The following ZNF705A variants were observed in gnomAD, a reference collection of about 807,000 sequenced individuals.
The protein encoded by ZNF705A is zinc finger protein 705A.
ZNF705A carries 8 observed loss-of-function variants against 16.6 expected under a neutral mutation model. The ratio of observed to expected loss-of-function variants is 0.48; its 90% CI spans 0.28 to 0.87. ZNF705A has a LOEUF of 0.87. ZNF705A is among the 40% of genes least tolerant of loss of function. The probability of loss-of-function intolerance (pLI) is 0.10; values close to 1 mark genes in which losing one functional copy is unlikely to be tolerated. For missense variants in ZNF705A, 233 were observed against 359.9 expected (o/e 0.65, Z 2.85); for synonymous variants, 73 against 117.3 (o/e 0.62, Z 2.44).
Position 8,178,853 on chromosome 12 carries a change from G to T in ZNF705A, c.*1270G>T, listed in dbSNP as rs1948508536. 3 of 152,276 alleles carry T rather than the reference G, an allele frequency of 2.0e-5. No homozygotes were observed. The South Asian group carries it at 6.2e-4, about 32-fold the overall frequency. 9.4% of individuals were successfully genotyped at this position (152,276 alleles called of 1,614,324 possible). On this transcript the variant is annotated 3_prime_UTR_variant, in exon 5 of 5. Transcript: ENST00000359286. Reference sequence around the variant, plus strand: ...CACTCCTTGGGTGAGATTCTTGGTCGAGATTCTACCCCAACTTCTGAGTCT... The same window carrying T: ...CACTCCTTGGGTGAGATTCTTGGTCTAGATTCTACCCCAACTTCTGAGTCT...
At chr12:8,158,544 A>G (rs929434392) in intron 1 of ZNF705A, among the ~76,000 whole-genome samples, 3 of 151,920 alleles carry the variant, frequency 2.0e-5, no homozygotes, top group Admixed American at 6.6e-5. Flanking sequence ...ACATTTTCCT[A>G]TTGATGGAAA....
chr12:8,174,732 T>C (rs1296675571), intron 2 of ZNF705A, among the ~76,000 whole-genome samples: 1 of 152,252 alleles, frequency 6.6e-6, no homozygotes, highest in Non-Finnish European at 1.5e-5. Flanking sequence ...ACCTGGGAAC[T>C]TAACGAATAT....
chr12:8,165,740 A>G (rs1045413274), intron 1 of ZNF705A, among the ~76,000 whole-genome samples: 2 of 151,936 alleles, frequency 1.3e-5, no homozygotes, highest in Non-Finnish European at 2.9e-5. Context: ...TGTGTAACCA[A>G]TGCTTTGTTC....
At chr12:8,165,163 C>T (rs565272271) in intron 1 of ZNF705A, among the ~76,000 whole-genome samples, 1 of 151,876 alleles carries the variant, frequency 6.6e-6, no homozygotes, top group Non-Finnish European at 1.5e-5. Flanking sequence ...GGTGATATTT[C>T]ATGGTGGTTT....
intron 1 of ZNF705A, among the ~76,000 whole-genome samples, chr12:8,164,414 T>C (rs1948381767): frequency 6.6e-6 from 1 of 152,212 alleles, no homozygotes; most frequent in Non-Finnish European, 1.5e-5. Context: ...AATGACAGGG[T>C]TTCATTATTA....
At chr12:8,175,798 G>T (rs1948479779) in intron 3 of ZNF705A, 62 bp from the exon 5 acceptor site, 9 of 1,606,594 alleles carry the variant, frequency 5.6e-6, no homozygotes, top group Non-Finnish European at 7.6e-6. Flanking sequence ...GGGCCTTGGG[G>T]CTTTTCAAAC....
At chr12:8,176,943 G>A (rs1211986883) in intron 4 of ZNF705A, 56 bp from the exon 6 acceptor site, 28 of 1,569,904 alleles carry the variant, frequency 1.8e-5, no homozygotes, top group Non-Finnish European at 2.4e-5. Context: ...GTAGTGAAAT[G>A]AATGTATAGA....
intron 1 of ZNF705A, among the ~76,000 whole-genome samples, chr12:8,163,509 G>A (rs1328458428): frequency 2.6e-5 from 4 of 152,028 alleles, no homozygotes; most frequent in Non-Finnish European, 2.9e-5. Flanking sequence ...TGTCACCATT[G>A]TCATCATAAT....
upstream of ZNF705A, among the ~76,000 whole-genome samples, chr12:8,168,158 C>G (rs1283401333): frequency 1.3e-5 from 2 of 152,142 alleles, no homozygotes; most frequent in African/African-American, 4.8e-5. Flanking sequence ...ACATGCACGC[C>G]CAAGAAGTTG....
rs1239779763 is a variant in ZNF705A at position 8,166,029 on chromosome 12, G to A, written c.-71-6526G>A. ...AATTTATTTTCTTTTGGATACAAGG[G>A]TCAGTCCCCATGGCTGCTGACAAGG... On this transcript the variant is annotated intron_variant, in intron 1 of 5. Transcript: ENST00000396570. Among the ~76,000 whole-genome samples, 5 of 152,230 alleles carry A rather than the reference G, an allele frequency of 3.3e-5. No individual in the cohort carries two copies. The East Asian group carries it at 7.7e-4, about 23-fold the overall frequency.
chr12:8,163,898 C>T (rs1948377856), intron 1 of ZNF705A, among the ~76,000 whole-genome samples: 1 of 152,114 alleles, frequency 6.6e-6, no homozygotes, highest in Non-Finnish European at 1.5e-5. Context: ...TAACCAACCC[C>T]CTTCTTGTTT....
intron 3 of ZNF705A, 139 bp downstream of exon 4, chr12:8,175,462 A>C (rs1304720239): frequency 3.9e-6 from 5 of 1,285,088 alleles, no homozygotes; most frequent in Non-Finnish European, 5.4e-6. Context: ...AGAATTCCTT[A>C]GATGTTATTG....
At chr12:8,160,954 C>G (rs762057531) in intron 1 of ZNF705A, among the ~76,000 whole-genome samples, 2 of 152,234 alleles carry the variant, frequency 1.3e-5, no homozygotes, top group East Asian at 3.9e-4. Context: ...ATTTTGTTGG[C>G]TGTGGGTTTG....
chr12:8,170,163 T>C (rs1948432979), upstream of ZNF705A, among the ~76,000 whole-genome samples: 1 of 138,618 alleles, frequency 7.2e-6, no homozygotes, highest in Non-Finnish European at 1.5e-5. Context: ...CACTCCAGCC[T>C]GGGCAACAAG....
chr12:8,157,050 G>C (rs895833117), exon 1 of ZNF705A: 6 of 397,914 alleles, frequency 1.5e-5, no homozygotes, highest in Non-Finnish European at 2.2e-5. Flanking sequence ...AAAATTGCAA[G>C]GGGTTTTTCC....
chr12:8,161,053 C>T (rs1249973353), intron 1 of ZNF705A, among the ~76,000 whole-genome samples: 1 of 152,132 alleles, frequency 6.6e-6, no homozygotes, highest in African/African-American at 2.4e-5. Flanking sequence ...TGGATTTTGT[C>T]AAATGCTTTT....
chr12:8,175,702 T>C (rs897405186), intron 3 of ZNF705A, among the ~76,000 whole-genome samples, 158 bp from the exon 5 acceptor site: 32 of 152,340 alleles, frequency 2.1e-4, no homozygotes, highest in African/African-American at 7.5e-4. Context: ...TTGCCGACAC[T>C]GTACAATCTA....
chr12:8,162,680 G>C (rs1445328182), intron 1 of ZNF705A, among the ~76,000 whole-genome samples: 2 of 152,114 alleles, frequency 1.3e-5, no homozygotes, highest in African/African-American at 4.8e-5. Context: ...AAAGTTAAAA[G>C]AAGTAGGAGT....
chr12:8,159,803 G>A (rs911557125), intron 1 of ZNF705A, among the ~76,000 whole-genome samples: 1 of 151,982 alleles, frequency 6.6e-6, no homozygotes, highest in Non-Finnish European at 1.5e-5. Flanking sequence ...TGTTCCTTTT[G>A]CCATGCAAAA....
Sources: allele counts gnomAD v4.1 joint callset (sites outside exome capture counted in the v4.1 genomes callset), GRCh38; gene constraint gnomAD v4.1.1; transcripts MANE v1.5; gene names NCBI Gene and HGNC (gene_info 2026-07-23, HGNC 2026-07-21).